Variants in ANKS1A observed in about 807,000 individuals in gnomAD.
The protein encoded by ANKS1A is ankyrin repeat and sterile alpha motif domain containing 1A.
ANKS1A carries 55 observed loss-of-function variants against 120.3 expected under a neutral mutation model. The ratio of observed to expected loss-of-function variants is 0.46; its 90% CI spans 0.37 to 0.57. The LOEUF is 0.57. Among genes scored for constraint, ANKS1A ranks in the 20% least tolerant of loss-of-function variants. The pLI, the probability that ANKS1A is intolerant of heterozygous loss-of-function variation, is 0.00. For missense variants in ANKS1A, 1,123 were observed against 1,480.3 expected (o/e 0.76, Z 3.96); for synonymous variants, 590 against 604.7 (o/e 0.98, Z 0.36).
intron 9 of ANKS1A, among the ~76,000 whole-genome samples, chr6:34,991,630 A>G (rs1040791091): frequency 6.8e-6 from 1 of 147,768 alleles, no homozygotes; most frequent in Non-Finnish European, 1.5e-5. Flanking sequence ...ACACACACAT[A>G]TATACATATA....
intron 1 of ANKS1A, among the ~76,000 whole-genome samples, chr6:34,913,987 G>T (rs970460702): frequency 2.0e-5 from 3 of 151,902 alleles, no homozygotes; most frequent in African/African-American, 7.3e-5. Context: ...GCGTGATCTT[G>T]GCTCACTGCA....
chr6:34,940,429 A>G (rs905811928), intron 1 of ANKS1A, among the ~76,000 whole-genome samples: 3 of 152,162 alleles, frequency 2.0e-5, no homozygotes, highest in Non-Finnish European at 4.4e-5. Flanking sequence ...TCTGCTTGTG[A>G]CACACCTAAC....
At chr6:34,989,196 A>G (rs1772380710) in intron 8 of ANKS1A, 28 bp from the exon 9 acceptor site, 1 of 1,604,624 alleles carries the variant, frequency 6.2e-7, no homozygotes, top group Admixed American at 1.7e-5. Flanking sequence ...AAGAGATCGC[A>G]AAATATTTAT....
chr6:34,949,701 T>C (rs1769976190), intron 1 of ANKS1A, among the ~76,000 whole-genome samples: 2 of 152,184 alleles, frequency 1.3e-5, no homozygotes, highest in Non-Finnish European at 2.9e-5. Flanking sequence ...AGTACATAAC[T>C]GTTAGGTACA....
At position 35,088,647 on chromosome 6, in the gene ANKS1A, C is replaced by A; in HGVS notation, c.*38C>A. 6.2e-7 allele frequency: 1 copy of A among 1,614,208 alleles called. No individual in the cohort carries two copies. The highest frequency in any genetic ancestry group is 2.2e-5 in the East Asian group (1 of 44,878). ...CCACACTGTGCTGCGGAAACATAGA[C>A]GTGGGGGCATAGGCTCCCACTGCCA... is the stretch of plus-strand genomic sequence containing the variant. On this transcript the variant is annotated 3_prime_UTR_variant, in exon 24 of 24. Transcript: ENST00000360359.
chr6:34,933,310 C>T (rs905488190), intron 1 of ANKS1A, among the ~76,000 whole-genome samples: 1 of 152,188 alleles, frequency 6.6e-6, no homozygotes, highest in African/African-American at 2.4e-5. Flanking sequence ...TTTTTTGACA[C>T]TTGCTATTAG....
chr6:35,091,372 G>C lies in ANKS1A; in HGVS notation c.*2763G>C, dbSNP rs1410201562. ...TCATAACTGTACACAACTTAGAACAGACTGAATTAATAAATGAGAAGCGAC... is the reference window on the plus strand; with the variant it reads ...TCATAACTGTACACAACTTAGAACACACTGAATTAATAAATGAGAAGCGAC... On this transcript the variant is annotated 3_prime_UTR_variant, in exon 24 of 24. Transcript: ENST00000360359. 1.0e-6 allele frequency: 1 copy of C among 985,382 alleles called. No individual in the cohort carries two copies. The highest frequency in any genetic ancestry group is 1.2e-6 in the Non-Finnish European group (1 of 829,948). The allele number at this position is 985,382 out of a possible 1,614,324, so 61.0% of individuals were successfully genotyped here. A position where few individuals can be genotyped will look rare whatever the true frequency, so the allele number is the denominator to read the frequency against.
intron 10 of ANKS1A, among the ~76,000 whole-genome samples, chr6:35,016,449 G>A (rs141079923): frequency 1.3e-5 from 2 of 152,330 alleles, no homozygotes; most frequent in African/African-American, 4.8e-5. Flanking sequence ...TGATGATGTG[G>A]GTTAAAATCT....
At chr6:35,019,212 T>C (rs1774202416) in intron 11 of ANKS1A, among the ~76,000 whole-genome samples, 1 of 152,218 alleles carries the variant, frequency 6.6e-6, no homozygotes, top group Non-Finnish European at 1.5e-5. Context: ...TGCAAGCTTC[T>C]TACTGAGTGG....
chr6:35,017,326 T>C (rs2127557792), intron 10 of ANKS1A, 147 bp from the exon 11 acceptor site: 1 of 755,842 alleles, frequency 1.3e-6, no homozygotes, highest in South Asian at 2.0e-5. Context: ...TCTCTTCTTC[T>C]CTCCTCTCCC....
In ANKS1A at chr6:34,983,133, G is replaced by C. The variant is rs1771987113; in HGVS notation, c.829G>C (p.Asp277His). Residue 277 changes from aspartate (D) to histidine (H), a missense_variant, in exon 6 of 24, where the codon GAT becomes CAT. By Grantham distance (81) the Asp-to-His change is moderately conservative (BLOSUM62 -1). Transcript: ENST00000360359. ...TCTAGGAACTGACGTCAACATAAAA[G>C]ATAACCATGGACTGACTGCCCTAGA... is the stretch of plus-strand genomic sequence containing the variant. ...LAAGTDVNIK[D>H]NHGLTALDTV... 6.2e-7 allele frequency: 1 copy of C among 1,614,026 alleles called. No individual in the cohort carries two copies. The highest frequency in any genetic ancestry group is 8.5e-7 in the Non-Finnish European group (1 of 1,180,036).
chr6:35,011,501 G>A (rs931117201), intron 10 of ANKS1A, among the ~76,000 whole-genome samples: 1 of 152,136 alleles, frequency 6.6e-6, no homozygotes, highest in Non-Finnish European at 1.5e-5. Flanking sequence ...AGGGGGAGAT[G>A]TAATGAGGTA....
chr6:34,994,806 ACT>A (rs968981403), intron 10 of ANKS1A, among the ~76,000 whole-genome samples: 2 of 151,924 alleles, frequency 1.3e-5, no homozygotes, highest in Non-Finnish European at 2.9e-5. Flanking sequence ...GACGGCACAG[ACT>A]CTGCTTTTGA....
intron 10 of ANKS1A, among the ~76,000 whole-genome samples, chr6:34,999,704 A>G (rs1042403996): frequency 4.6e-5 from 7 of 152,322 alleles, no homozygotes; most frequent in African/African-American, 1.4e-4. Context: ...GGTAACCTGT[A>G]AGCCAAGGCA....
At chr6:34,928,335 C>T (rs1012420989) in intron 1 of ANKS1A, among the ~76,000 whole-genome samples, 4 of 152,136 alleles carry the variant, frequency 2.6e-5, no homozygotes, top group African/African-American at 9.7e-5. Flanking sequence ...TGAAAAGACT[C>T]GGAGCTTCAT....
chr6:35,094,755 A>G (rs1778408033), downstream of ANKS1A, among the ~76,000 whole-genome samples: 1 of 152,178 alleles, frequency 6.6e-6, no homozygotes, highest in African/African-American at 2.4e-5. Context: ...GAGAAAACAG[A>G]TTGAAAAAAA....
rs1393126068 is a variant in ANKS1A, at chr6:35,084,924, G to A, written c.3132+666G>A. On this transcript the variant is annotated intron_variant, in intron 21 of 23. Coordinates refer to ENST00000360359, the MANE Select transcript of ANKS1A (RefSeq NM_015245.3). The surrounding 1 kb of genome is among the most constrained non-coding windows in gnomAD (Gnocchi z 4.8). ...CTCTAACCTGCAACAAAGCATGAGA[G>A]TGGCCCCAGGCTGCTTCCTCACCCC... 1.3e-5 allele frequency among the ~76,000 whole-genome samples: 2 copies of A among 152,180 alleles called. No individual in the cohort carries two copies. Among genetic ancestry groups the A allele is most frequent in the African/African-American group, 4.8e-5 (2 of 41,448 alleles).
In ANKS1A at chr6:34,897,606, G is replaced by T. The variant is rs536785911; in HGVS notation, c.197+8007G>T. The stretch of plus-strand genomic sequence containing the variant: ...ACTGATTTCCAAAGGATTATTGGGA[G>T]ATTTTCTGTGGTAGAGAAAATTATA... On this transcript the variant is annotated intron_variant, in intron 1 of 23. Transcript: ENST00000360359. 5.3e-5 allele frequency among the ~76,000 whole-genome samples: 8 copies of T among 152,258 alleles called. No individual in the cohort carries two copies. In the South Asian group the frequency reaches 1.2e-3, roughly 24 times the overall value.
chr6:34,897,215 T>G (rs565328307), intron 1 of ANKS1A, among the ~76,000 whole-genome samples: 1 of 152,262 alleles, frequency 6.6e-6, no homozygotes, highest in East Asian at 1.9e-4. Context: ...CAGGAAACAA[T>G]GAAACAAGCT....
Sources: gnomAD v4.1 joint callset for allele counts (sites outside exome capture counted in the v4.1 genomes callset) on GRCh38, gnomAD v4.1.1 for gene constraint, Gnocchi (gnomAD v3.1) non-coding constraint, MANE v1.5 for transcripts, NCBI Gene and HGNC (gene_info 2026-07-23, HGNC 2026-07-21) for gene names.